The following TNC variants were observed in gnomAD, a reference collection of about 807,000 sequenced individuals.
The protein encoded by TNC is tenascin.
TNC carries 109 observed loss-of-function variants against 202.4 expected under a neutral mutation model. The observed-to-expected ratio is 0.54, with a 90% CI of 0.46 to 0.63. TNC has a LOEUF of 0.63. TNC is among the 30% of genes least tolerant of loss of function. The probability of loss-of-function intolerance (pLI) is 0.00; values close to 1 mark genes in which losing one functional copy is unlikely to be tolerated. For synonymous variants in TNC, 1,007 were observed against 1,089.7 expected (o/e 0.92, Z 1.50); for missense variants, 2,756 against 2,833.3 (o/e 0.97, Z 0.62).
At chr9:115,074,595 C>T (rs1833703047) in intron 9 of TNC, among the ~76,000 whole-genome samples, 1 of 152,202 alleles carries the variant, frequency 6.6e-6, no homozygotes, top group Non-Finnish European at 1.5e-5. Context: ...CCCATTTATG[C>T]AGCATTCCTT....
Position 115,065,974 on chromosome 9 carries a change from T to C in TNC, c.3215-1055A>G, listed in dbSNP as rs192464855. 2.0e-5 allele frequency among the ~76,000 whole-genome samples: 3 copies of C among 151,668 alleles called. No homozygotes were observed. In the East Asian group the frequency reaches 5.8e-4, roughly 29 times the overall value. On this transcript the variant is annotated intron_variant, in intron 10 of 27. Transcript: ENST00000350763. ...AATATCCTATGGGAGGTCTGTTGTA[T>C]AGTTTATATTGGGATTTCATCAGTT...
chr9:115,077,468 G>A (rs1833963373), intron 7 of TNC, among the ~76,000 whole-genome samples: 1 of 152,228 alleles, frequency 6.6e-6, no homozygotes, highest in Non-Finnish European at 1.5e-5. Flanking sequence ...GGGATTACAG[G>A]CGTGAGCCAC....
At chr9:115,056,770 T>C (rs976108836) in intron 15 of TNC, among the ~76,000 whole-genome samples, 2 of 152,182 alleles carry the variant, frequency 1.3e-5, no homozygotes, top group African/African-American at 2.4e-5. Flanking sequence ...ACAAAGACAC[T>C]AAGATAATAC....
intron 1 of TNC, among the ~76,000 whole-genome samples, chr9:115,099,800 G>A (rs1179894333): frequency 2.0e-5 from 3 of 152,172 alleles, no homozygotes; most frequent in African/African-American, 7.2e-5. Context: ...GCTAGTCTCT[G>A]AAGGATGAGA....
rs773457084 is a variant in TNC, at chr9:115,048,328, T to G, written c.4784A>C (p.Tyr1595Ser). The change falls in exon 16 of 28, where the codon TAT (tyrosine) becomes TCT (serine). Residue 1595 changes from tyrosine (Y) to serine (S), a missense_variant. Tyr to Ser is a moderately radical substitution (Grantham distance 144). This residue lies in a region of TNC where 2,559 missense variants were observed against 2,546.0 expected (regional missense o/e 1.01). Coordinates refer to ENST00000350763, the MANE Select transcript of TNC (RefSeq NM_002160.4). The part of the protein sequence containing the change: ...ELRGLITGIG[Y>S]EVMVSGFTQG... ...GGTGAAGCCAGAGACCATAACCTCA[T>G]AGCCAATGCCAGTTATGAGGCCTCT... The G allele has an allele frequency of 1.2e-6, 2 of 1,614,074 alleles. No homozygotes were observed. The highest frequency in any genetic ancestry group is 1.7e-6 in the Non-Finnish European group (2 of 1,179,956).
intron 1 of TNC, among the ~76,000 whole-genome samples, chr9:115,110,478 A>G (rs1836954916): frequency 6.6e-6 from 1 of 152,100 alleles, no homozygotes; most frequent in South Asian, 2.1e-4. Flanking sequence ...CTAAGATCTG[A>G]ACTACAGGGG....
chr9:115,057,922 C>G (rs1400124511), intron 14 of TNC, among the ~76,000 whole-genome samples: 1 of 152,224 alleles, frequency 6.6e-6, no homozygotes, highest in Non-Finnish European at 1.5e-5. Flanking sequence ...GATGCCATTA[C>G]CTTCCCAAGG....
intron 2 of TNC, among the ~76,000 whole-genome samples, chr9:115,087,507 A>T (rs565138499): frequency 1.7e-3 from 251 of 149,540 alleles, no homozygotes; most frequent in African/African-American, 6.0e-3. Flanking sequence ...ATGCCAAAAC[A>T]GTGTGTGATT....
rs202234406 is a variant in TNC, at chr9:115,076,545, A to T, written c.2705T>A (p.Val902Asp). The change falls in exon 8 of 28, where the codon GTT (valine) becomes GAT (aspartate). Residue 902 changes from valine (V) to aspartate (D), a missense_variant. This residue lies in a region of TNC where 2,559 missense variants were observed against 2,546.0 expected (regional missense o/e 1.01). Transcript: ENST00000350763. ...GLDAPRNLRR[V>D]SQTDNSITLE... ...GGTGATGCTGTTATCTGTCTGGGAA[A>T]CACGTCGAAGATTCCTGGGAGCATC... 2.0e-5 allele frequency: 33 copies of T among 1,614,200 alleles called. No homozygotes were observed. The East Asian group carries it at 7.4e-4, about 36-fold the overall frequency.
chr9:115,059,592 T>C, intron 14 of TNC, 138 bp downstream of exon 14: 1 of 848,112 alleles, frequency 1.2e-6, no homozygotes, highest in Non-Finnish European at 1.8e-6. Context: ...CACAGGGAGG[T>C]CTCTGAGCAT....
Position 115,046,516 on chromosome 9 carries a change from A to G in TNC, c.5019T>C (p.Arg1673=). The G allele has an allele frequency of 1.2e-6, 2 of 1,614,120 alleles. No individual in the cohort carries two copies. ...PLEITLLAPE[R]TRDITGLREA... ...CTCTGAGACCTGTTATGTCCCTGGT[A>G]CGTTCGGGGGCAAGTAGGGTTATTT... The change falls in exon 17 of 28, where the codon CGT becomes CGC. Residue 1673 remains arginine (R), a synonymous_variant. Coordinates refer to ENST00000350763, the MANE Select transcript of TNC (RefSeq NM_002160.4).
At chr9:115,078,735 C>T (rs572628369) in intron 6 of TNC, among the ~76,000 whole-genome samples, 3 of 152,302 alleles carry the variant, frequency 2.0e-5, no homozygotes, top group Admixed American at 2.0e-4. Flanking sequence ...AGAATTCACG[C>T]AAGAAAGTCA....
At chr9:115,040,104 A>G (rs1396431297) in intron 19 of TNC, among the ~76,000 whole-genome samples, 1 of 152,202 alleles carries the variant, frequency 6.6e-6, no homozygotes, top group Non-Finnish European at 1.5e-5. Flanking sequence ...CTTCAATGCA[A>G]TTCATTATTT....
chr9:115,108,092 A>T (rs1836751623), intron 1 of TNC, among the ~76,000 whole-genome samples: 1 of 152,144 alleles, frequency 6.6e-6, no homozygotes, highest in South Asian at 2.1e-4. Flanking sequence ...AGAGCTGCTA[A>T]TTAGGATGAC....
chr9:115,032,698 C>A (rs748017400), intron 22 of TNC, among the ~76,000 whole-genome samples: 1 of 152,100 alleles, frequency 6.6e-6, no homozygotes, highest in Non-Finnish European at 1.5e-5. Flanking sequence ...TTATAATAGC[C>A]CCATAGGCAT....
Position 115,077,956 on chromosome 9 carries a change from C to G in TNC, c.2661G>C (p.Glu887Asp). Residue 887 changes from glutamate (E) to aspartate (D), a missense_variant, in exon 7 of 28, where the codon GAG (glutamate) becomes GAC (aspartate). Glu to Asp is a conservative substitution (Grantham distance 45). Around this residue, in one of 2 missense-constraint regions of TNC, gnomAD observed 2,559 missense variants for 2,546.0 expected, o/e 1.01. Transcript: ENST00000350763. ...GAGGCCTTTTACCTGTTGTGAAGGT[C>G]TCTTTGGCTGGGTTGCTTGACATGT... Reference protein sequence around the residue: ...RGDMSSNPAKETFTTGLDAPR... With the variant: ...RGDMSSNPAKDTFTTGLDAPR... 6.2e-7 allele frequency: 1 copy of G among 1,614,080 alleles called. No homozygotes were observed. The highest frequency in any genetic ancestry group is 8.5e-7 in the Non-Finnish European group (1 of 1,179,962).
At chr9:115,090,329 T>C (rs1835123115) in intron 2 of TNC, among the ~76,000 whole-genome samples, 1 of 152,198 alleles carries the variant, frequency 6.6e-6, no homozygotes, top group African/African-American at 2.4e-5. Flanking sequence ...AAGCAGGACT[T>C]ATCAGAAGCC....
At position 115,087,107 on chromosome 9, in the gene TNC, G is replaced by T. The variant is rs150589009; in HGVS notation, c.624C>A (p.Asp208Glu). 1.6e-5 allele frequency: 26 copies of T among 1,614,090 alleles called. 1 individual carries two copies. The South Asian group carries it at 1.6e-4, about 10-fold the overall frequency. ...TGCAGTCCTCGCCCGTGAAGCCGTCGTCACAGATGCACTGCCCATCAATGC... is the reference window on the plus strand; with the variant it reads ...TGCAGTCCTCGCCCGTGAAGCCGTCTTCACAGATGCACTGCCCATCAATGC... ...GRCIDGQCIC[D>E]DGFTGEDCSQ... Residue 208 changes from aspartate (D) to glutamate (E), a missense_variant, in exon 3 of 28, where the codon GAC (aspartate) becomes GAA (glutamate). By Grantham distance (45) the Asp-to-Glu change is conservative. Coordinates refer to ENST00000350763, the MANE Select transcript of TNC (RefSeq NM_002160.4).
chr9:115,044,088 A>T (rs192788564), intron 17 of TNC, among the ~76,000 whole-genome samples: 3 of 152,018 alleles, frequency 2.0e-5, no homozygotes, highest in Non-Finnish European at 1.5e-5. Context: ...ACTGTCTCCC[A>T]CTGCCCTTTC....
Sources: allele counts gnomAD v4.1 joint callset (sites outside exome capture counted in the v4.1 genomes callset), GRCh38; gene constraint gnomAD v4.1.1; regional missense constraint gnomAD v4.1.1; transcripts MANE v1.5; gene names NCBI Gene and HGNC (gene_info 2026-07-23, HGNC 2026-07-21).